ACSF3: variants seen among roughly 807,000 people sequenced by gnomAD.
ACSF3 encodes the protein acyl-CoA synthetase family member 3.
ACSF3 carries 78 observed loss-of-function variants against 53.2 expected under a neutral mutation model. That is an observed-to-expected ratio of 1.47 (90% CI 1.22 to 1.77). The LOEUF is 1.77. Ranked by LOEUF, ACSF3 falls within the 40% of genes most tolerant of loss-of-function variation. The pLI, the probability that ACSF3 is intolerant of heterozygous loss-of-function variation, is 0.00. For synonymous variants in ACSF3, 414 were observed against 333.1 expected (o/e 1.24, Z -2.65); for missense variants, 937 against 771.1 (o/e 1.22, Z -2.55).
At position 89,100,667 on chromosome 16, in the gene ACSF3, C is replaced by CCCCAGGAGGCTCCCGGGAT; in HGVS notation, c.-14_-13insCCAGGAGGCTCCCGGGATC. On this transcript the variant is annotated 5_prime_UTR_variant, in exon 3 of 11. Coordinates refer to ENST00000614302, the MANE Select transcript of ACSF3 (RefSeq NM_001243279.3). ...TGTGCCTTGCCTTTCTCCAGCTCGG[C>CCCCAGGAGGCTCCCGGGAT]CGCCTGTCAGTGCAATGCTGCCCCA... The CCCCAGGAGGCTCCCGGGAT allele has an allele frequency of 6.3e-7, 1 of 1,588,690 alleles. No individual in the cohort carries two copies. Among genetic ancestry groups the CCCCAGGAGGCTCCCGGGAT allele is most frequent in the East Asian group, 2.2e-5 (1 of 44,552 alleles).
At chr16:89,123,211 C>G (rs774284993) in intron 7 of ACSF3, among the ~76,000 whole-genome samples, 20 of 152,132 alleles carry the variant, frequency 1.3e-4, no homozygotes, top group Non-Finnish European at 2.6e-4. Context: ...GCCTGAGGGC[C>G]TCAGGGTTTG....
intron 5 of ACSF3, 194 bp from the exon 6 acceptor site, chr16:89,114,145 C>A (rs1402707858): frequency 5.7e-6 from 4 of 701,814 alleles, no homozygotes; most frequent in East Asian, 2.7e-5. Context: ...CAAAGTCACG[C>A]CGTAGCGCAG....
chr16:89,145,121 G>A, intron 8 of ACSF3, 146 bp from the exon 9 acceptor site: 1 of 1,594,950 alleles, frequency 6.3e-7, no homozygotes, highest in South Asian at 1.1e-5. Context: ...TTCTCCGTTG[G>A]GGTTGCCACA....
intron 6 of ACSF3, among the ~76,000 whole-genome samples, chr16:89,117,034 C>T (rs978431138): frequency 3.3e-5 from 5 of 152,142 alleles, no homozygotes; most frequent in African/African-American, 7.2e-5. Context: ...ACAGTCACCA[C>T]GTAATATGGA....
At chr16:89,139,941 T>C (rs532708524) in intron 8 of ACSF3, among the ~76,000 whole-genome samples, 1 of 152,174 alleles carries the variant, frequency 6.6e-6, no homozygotes, top group South Asian at 2.1e-4. Context: ...CCCAGACCCC[T>C]GAGCCCAGGT....
At chr16:89,125,758 C>G (rs1457205895) in intron 7 of ACSF3, among the ~76,000 whole-genome samples, 2 of 151,866 alleles carry the variant, frequency 1.3e-5, no homozygotes, top group African/African-American at 4.8e-5. Context: ...GGGGAGATCA[C>G]TTGGGGGAGA....
At chr16:89,110,649 T>C (rs1976569948) in intron 4 of ACSF3, among the ~76,000 whole-genome samples, 1 of 152,242 alleles carries the variant, frequency 6.6e-6, no homozygotes, top group Non-Finnish European at 1.5e-5. Flanking sequence ...TCCTTTGCCT[T>C]TTCGTGTAAA....
intron 6 of ACSF3, among the ~76,000 whole-genome samples, 166 bp from the exon 7 acceptor site, chr16:89,120,635 G>T (rs1022795140): frequency 6.6e-6 from 1 of 152,208 alleles, no homozygotes. Flanking sequence ...TCACCTGCTG[G>T]TGCCTACACC....
chr16:89,132,431 C>T (rs370207405), intron 7 of ACSF3, among the ~76,000 whole-genome samples: 26 of 152,238 alleles, frequency 1.7e-4, no homozygotes, highest in African/African-American at 5.3e-4. Context: ...GCCATCTGTT[C>T]CTGGTGCTGC....
Position 89,154,641 on chromosome 16 carries a change from C to G in ACSF3, c.*434C>G. ...CCTGTGCCTCACCCAGAGCCAGTGT[C>G]TCCCGGCCCACATAGGAGGTCTGGG... is the stretch of plus-strand genomic sequence containing the variant. On this transcript the variant is annotated 3_prime_UTR_variant, in exon 11 of 11. Transcript: ENST00000614302. 1 of 454,584 alleles carries G rather than the reference C, an allele frequency of 2.2e-6. No individual in the cohort carries two copies. The highest frequency in any genetic ancestry group is 4.4e-6 in the Non-Finnish European group (1 of 227,196). The allele number at this position is 454,584 out of a possible 1,614,324, so 28.2% of individuals were successfully genotyped here.
In ACSF3 at chr16:89,105,565, C is replaced by T. The variant is rs537976323; in HGVS notation, c.822+2806C>T. On this transcript the variant is annotated intron_variant, in intron 4 of 10. Coordinates refer to ENST00000614302, the MANE Select transcript of ACSF3 (RefSeq NM_001243279.3). ...GCCTTAAGCTCCTCCTTTCCTTTGG[C>T]GGTCAGCTCTGTCCAGGGTGTCAGT... is the stretch of plus-strand genomic sequence containing the variant. Among the ~76,000 whole-genome samples the T allele has an allele frequency of 8.9e-4, 135 of 152,322 alleles. 1 individual carries two copies. The highest frequency in any genetic ancestry group is 1.7e-3 in the African/African-American group (69 of 41,568).
At chr16:89,118,930 C>G (rs1183563424) in intron 6 of ACSF3, among the ~76,000 whole-genome samples, 1 of 152,216 alleles carries the variant, frequency 6.6e-6, no homozygotes, top group Non-Finnish European at 1.5e-5. Flanking sequence ...TCTGTCCACT[C>G]TCTTGAGCTC....
rs796051924 is a variant in ACSF3, at chr16:89,154,192, CT to C, written c.1718del (p.Phe573SerfsTer99). 32 of 1,613,456 alleles carry C rather than the reference CT, an allele frequency of 2.0e-5. No homozygotes were observed. Among genetic ancestry groups the C allele is most frequent in the Non-Finnish European group, 2.5e-5 (30 of 1,179,870 alleles). The stretch of plus-strand genomic sequence containing the variant: ...TTGACAAGAAGGCGCTCATCAGGCA[CT>C]TCCACCCCTCATGACCCGGCAGACT... ...KIDKKALIRH[F>X]HPS On this transcript the variant is annotated frameshift_variant, in exon 11 of 11. Transcript: ENST00000614302. LOFTEE classifies it high-confidence loss of function.
rs961516706 is a variant in ACSF3, at chr16:89,154,934, C to G, written c.*727C>G. ...CTTTCCAGGTCATCTCCACACCAGC[C>G]CCTCAGCCGGTGAACCCTCTCTCCC... On this transcript the variant is annotated 3_prime_UTR_variant, in exon 11 of 11. Coordinates refer to ENST00000614302, the MANE Select transcript of ACSF3 (RefSeq NM_001243279.3). 3.3e-4 allele frequency: 148 copies of G among 453,910 alleles called. No individual in the cohort carries two copies. Among genetic ancestry groups the G allele is most frequent in the Non-Finnish European group, 5.5e-4 (125 of 226,730 alleles). The allele number at this position is 453,910 out of a possible 1,614,324, so 28.1% of individuals were successfully genotyped here. A position where few individuals can be genotyped will look rare whatever the true frequency, so the allele number is the denominator to read the frequency against.
intron 3 of ACSF3, chr16:89,102,279 C>T (rs1975436407): frequency 2.4e-6 from 1 of 413,056 alleles, no homozygotes; most frequent in South Asian, 2.2e-5. Flanking sequence ...GCGCTGGGTC[C>T]CTGAGTCCCA....
Position 89,098,684 on chromosome 16 carries a change from C to A in ACSF3, c.-100C>A, listed in dbSNP as rs745951848. 4.4e-6 allele frequency: 2 copies of A among 454,008 alleles called. No individual in the cohort carries two copies. Among genetic ancestry groups the A allele is most frequent in the Non-Finnish European group, 8.8e-6 (2 of 226,810 alleles). 28.1% of individuals were successfully genotyped at this position (454,008 alleles called of 1,614,324 possible). A position where few individuals can be genotyped will look rare whatever the true frequency, so the allele number is the denominator to read the frequency against. On this transcript the variant is annotated 5_prime_UTR_variant, in exon 2 of 11. Transcript: ENST00000614302. ...TTGCCTGCACCTTATCGTGCCCTTC[C>A]ACCTGCTGAAGCAGCTGTGCCTGCC...
intron 1 of ACSF3, among the ~76,000 whole-genome samples, chr16:89,094,355 A>G (rs1429927373): frequency 6.6e-6 from 1 of 152,072 alleles, no homozygotes; most frequent in Non-Finnish European, 1.5e-5. Flanking sequence ...TTCAGAAGTC[A>G]CCCTTGAAGT....
intron 4 of ACSF3, among the ~76,000 whole-genome samples, chr16:89,108,691 C>T (rs182553480): frequency 1.3e-5 from 2 of 152,200 alleles, no homozygotes; most frequent in African/African-American, 2.4e-5. Flanking sequence ...TTCTGAGTTT[C>T]ATCCATGTTC....
intron 3 of ACSF3, among the ~76,000 whole-genome samples, chr16:89,101,844 C>A (rs1261325253): frequency 6.6e-6 from 1 of 152,242 alleles, no homozygotes; most frequent in African/African-American, 2.4e-5. Flanking sequence ...AAAATGAAAA[C>A]CAAAAGCCAG....
Sources: allele counts gnomAD v4.1 joint callset (sites outside exome capture counted in the v4.1 genomes callset), GRCh38; gene constraint gnomAD v4.1.1; transcripts MANE v1.5; gene names NCBI Gene and HGNC (gene_info 2026-07-23, HGNC 2026-07-21).